The following RAD18 variants were observed in gnomAD, a reference collection of about 807,000 sequenced individuals.
RAD18 encodes RAD18 E3 ubiquitin protein ligase, also known as E3 ubiquitin-protein ligase RAD18.
Under a neutral mutation model 60.4 loss-of-function variants are expected in RAD18, and 47 were observed. That is an observed-to-expected ratio of 0.78 (90% CI 0.62 to 0.99). The LOEUF (loss-of-function observed/expected upper bound fraction) is 0.99, where lower values mean the gene tolerates loss of function less well. Ranked by LOEUF, RAD18 falls within the 50% of genes least tolerant of loss-of-function variation. The pLI, the probability that RAD18 is intolerant of heterozygous loss-of-function variation, is 0.00. For missense variants in RAD18, 640 were observed against 593.3 expected, an observed-to-expected ratio of 1.08 and a Z score of -0.82; for synonymous variants, 225 against 195.5, an observed-to-expected ratio of 1.15 and a Z score of -1.26.
chr3:8,936,151 C>G (rs1473932889), intron 6 of RAD18, 96 bp from the exon 7 acceptor site: 4 of 1,182,230 alleles, frequency 3.4e-6, no homozygotes, highest in South Asian at 1.9e-5. Flanking sequence ...CCTGGGTGAC[C>G]GGGAAAATAG....
chr3:8,897,550 T>G (rs1939810735), intron 11 of RAD18, among the ~76,000 whole-genome samples: 1 of 152,174 alleles, frequency 6.6e-6, no homozygotes, highest in Non-Finnish European at 1.5e-5. Flanking sequence ...AAATACCACA[T>G]AGTATGATGC....
intron 11 of RAD18, among the ~76,000 whole-genome samples, chr3:8,891,426 A>G (rs1939690049): frequency 6.6e-6 from 1 of 152,136 alleles, no homozygotes; most frequent in Non-Finnish European, 1.5e-5. Context: ...GTCTGTGATC[A>G]ATTTACCTAG....
At chr3:8,890,103 C>A in intron 12 of RAD18, 1 of 396,714 alleles carries the variant, frequency 2.5e-6, no homozygotes, top group Non-Finnish European at 4.7e-6. Flanking sequence ...TTTCTCAGGA[C>A]GTATCCCCAT....
intron 2 of RAD18, among the ~76,000 whole-genome samples, chr3:8,956,780 G>T (rs2124845687): frequency 7.2e-6 from 1 of 139,286 alleles, no homozygotes; most frequent in East Asian, 2.1e-4. Context: ...CCTAACCAGG[G>T]GTAGAGAAGT....
chr3:8,929,589 T>C (rs1940512920), intron 7 of RAD18, among the ~76,000 whole-genome samples: 1 of 151,872 alleles, frequency 6.6e-6, no homozygotes, highest in African/African-American at 2.4e-5. Context: ...CCACACCCAC[T>C]AGGAAAAAGA....
At chr3:8,881,967 T>C (rs2125043997) in intron 12 of RAD18, among the ~76,000 whole-genome samples, 1 of 152,276 alleles carries the variant, frequency 6.6e-6, no homozygotes, top group Non-Finnish European at 1.5e-5. Flanking sequence ...AGCTAAGATT[T>C]TCCTAATTTC....
Position 8,880,537 on chromosome 3 carries a change from T to C in RAD18, c.*820A>G, listed in dbSNP as rs1939439519. 2 of 152,228 alleles carry C rather than the reference T, an allele frequency of 1.3e-5. No individual in the cohort carries two copies. Among genetic ancestry groups the C allele is most frequent in the Admixed American group, 1.3e-4 (2 of 15,284 alleles). 9.4% of individuals were successfully genotyped at this position (152,228 alleles called of 1,614,324 possible). On this transcript the variant is annotated 3_prime_UTR_variant, in exon 13 of 13. Transcript: ENST00000264926. ...AACCCATACTCAACTATCCAGAGGA[T>C]ACTGTTTTAAGAACATTATTGTAAA... is the stretch of plus-strand genomic sequence containing the variant.
At chr3:8,887,602 C>T (rs565585868) in intron 12 of RAD18, among the ~76,000 whole-genome samples, 1 of 152,214 alleles carries the variant, frequency 6.6e-6, no homozygotes, top group Non-Finnish European at 1.5e-5. Context: ...TCCGCCACCT[C>T]AGACAGCTGC....
chr3:8,938,727 A>G (rs926056164), intron 6 of RAD18, among the ~76,000 whole-genome samples: 4 of 152,116 alleles, frequency 2.6e-5, no homozygotes, highest in African/African-American at 9.7e-5. Context: ...TTAAACTCCT[A>G]TTTTTAAAAA....
chr3:8,907,786 A>T (rs1410092673), intron 9 of RAD18, among the ~76,000 whole-genome samples: 1 of 75,464 alleles, frequency 1.3e-5, no homozygotes, highest in Non-Finnish European at 3.2e-5. Flanking sequence ...TACACTACCC[A>T]CTATCGGTTT....
chr3:8,944,047 T>A (rs1940799792), intron 4 of RAD18, among the ~76,000 whole-genome samples: 1 of 151,920 alleles, frequency 6.6e-6, no homozygotes, highest in African/African-American at 2.4e-5. Context: ...AAACTGTTAA[T>A]CCCTACTAAG....
intron 4 of RAD18, among the ~76,000 whole-genome samples, chr3:8,944,013 A>G (rs886496965): frequency 6.6e-6 from 1 of 152,168 alleles, no homozygotes; most frequent in Non-Finnish European, 1.5e-5. Flanking sequence ...AAAGCCAAAC[A>G]TTGGTTCTTT....
chr3:8,923,182 T>C (rs755207770), intron 7 of RAD18, among the ~76,000 whole-genome samples: 3 of 152,098 alleles, frequency 2.0e-5, no homozygotes, highest in African/African-American at 2.4e-5. Flanking sequence ...ATTAGACGAA[T>C]GGCTAACTAG....
At chr3:8,892,777 T>C (rs747166697) in intron 11 of RAD18, among the ~76,000 whole-genome samples, 4 of 152,200 alleles carry the variant, frequency 2.6e-5, no homozygotes, top group Non-Finnish European at 4.4e-5. Flanking sequence ...AGATGTCAAA[T>C]ACCTACGGCA....
At chr3:8,916,086 G>A (rs1025558064) in intron 7 of RAD18, among the ~76,000 whole-genome samples, 5 of 152,144 alleles carry the variant, frequency 3.3e-5, no homozygotes, top group Admixed American at 6.5e-5. Context: ...AGCCACTGAC[G>A]AAAGGTCAGC....
chr3:8,944,672 G>GAGGA (rs1238558424), intron 4 of RAD18, among the ~76,000 whole-genome samples: 37 of 140,686 alleles, frequency 2.6e-4, no homozygotes, highest in Non-Finnish European at 3.3e-4. Context: ...GGGAGGGAGG[G>GAGGA]AGGAAGGAAG....
chr3:8,959,117 A>C, intron 1 of RAD18, 116 bp from the exon 2 acceptor site: 1 of 794,386 alleles, frequency 1.3e-6, no homozygotes, highest in Non-Finnish European at 2.2e-6. Context: ...CAAATACACA[A>C]ATTCAAAAGC....
intron 7 of RAD18, among the ~76,000 whole-genome samples, chr3:8,930,718 A>G (rs1184111485): frequency 6.6e-6 from 1 of 152,198 alleles, no homozygotes; most frequent in Non-Finnish European, 1.5e-5. Context: ...AATGTCCTCA[A>G]CCTCATAAAA....
At chr3:8,913,934 T>G (rs1341056146) in intron 7 of RAD18, among the ~76,000 whole-genome samples, 3 of 148,960 alleles carry the variant, frequency 2.0e-5, no homozygotes, top group Non-Finnish European at 1.5e-5. Context: ...CTCTTACACA[T>G]GCACATGCTG....
Sources: allele counts gnomAD v4.1 joint callset (sites outside exome capture counted in the v4.1 genomes callset), GRCh38; gene constraint gnomAD v4.1.1; transcripts MANE v1.5; gene names NCBI Gene and HGNC (gene_info 2026-07-23, HGNC 2026-07-21).